The following CPT1A variants were observed in gnomAD, a reference collection of about 807,000 sequenced individuals.
CPT1A encodes the protein carnitine palmitoyltransferase 1A.
A neutral mutation model predicts 100.8 loss-of-function variants in CPT1A; 64 were observed. The ratio of observed to expected loss-of-function variants is 0.63; its 90% confidence interval spans 0.52 to 0.78. The LOEUF is 0.78. Among genes scored for constraint, CPT1A ranks in the 30% least tolerant of loss-of-function variants. The probability of loss-of-function intolerance (pLI) is 0.00; values close to 1 mark genes in which losing one functional copy is unlikely to be tolerated. For synonymous variants in CPT1A, 363 were observed against 396.0 expected, an observed-to-expected ratio of 0.92 and a Z score of 0.99; for missense variants, 802 against 1,034.1, an observed-to-expected ratio of 0.78 and a Z score of 3.08.
chr11:68,765,768 G>C (rs1203186873), intron 14 of CPT1A, among the ~76,000 whole-genome samples: 1 of 152,128 alleles, frequency 6.6e-6, no homozygotes, highest in East Asian at 1.9e-4. Flanking sequence ...AAACATTCTA[G>C]CAGGAGACAG....
intron 1 of CPT1A, among the ~76,000 whole-genome samples, chr11:68,830,409 T>C (rs1856848276): frequency 6.6e-6 from 1 of 152,140 alleles, no homozygotes; most frequent in Non-Finnish European, 1.5e-5. Flanking sequence ...AACTCCCAGG[T>C]GGAGCATGGG....
rs548490426 is a variant in CPT1A at position 68,759,256 on chromosome 11, G to A, written c.2235+313C>T. Among the ~76,000 whole-genome samples the A allele has an allele frequency of 2.6e-5, 4 of 151,794 alleles. No individual in the cohort carries two copies. In the South Asian group the frequency reaches 8.3e-4, roughly 32 times the overall value. On this transcript the variant is annotated intron_variant, in intron 18 of 18. Coordinates refer to ENST00000265641, the MANE Select transcript of CPT1A (RefSeq NM_001876.4). ...TAAAAATACAAAAAAATTAGCCGGG[G>A]TAGTGGCGGGTGCCTGTAGTCCCAG...
intron 6 of CPT1A, 131 bp downstream of exon 6, chr11:68,799,087 T>C: frequency 3.8e-6 from 3 of 779,704 alleles, no homozygotes; most frequent in Admixed American, 2.0e-5. Context: ...GGTAAAACTA[T>C]AGCTGGAACT....
chr11:68,759,756 G>T, intron 17 of CPT1A, 95 bp from the exon 18 acceptor site: 2 of 923,704 alleles, frequency 2.2e-6, no homozygotes, highest in Non-Finnish European at 1.8e-6. Context: ...GGCGGGGCTC[G>T]GTGGCTTCTC....
intron 12 of CPT1A, among the ~76,000 whole-genome samples, chr11:68,777,103 C>T (rs1329689405): frequency 3.9e-5 from 6 of 152,186 alleles, no homozygotes; most frequent in South Asian, 4.1e-4. Context: ...GGTCAGAGCT[C>T]CAGAAGAGCC....
chr11:68,784,456 C>T (rs539079839), intron 10 of CPT1A, among the ~76,000 whole-genome samples: 14 of 152,298 alleles, frequency 9.2e-5, no homozygotes, highest in African/African-American at 3.4e-4. Flanking sequence ...ACTGCTTGAA[C>T]CTGGGAGGCG....
intron 10 of CPT1A, among the ~76,000 whole-genome samples, chr11:68,782,457 C>T (rs535992875): frequency 7.9e-5 from 12 of 152,308 alleles, no homozygotes; most frequent in Non-Finnish European, 1.0e-4. Flanking sequence ...AACTGAAGCA[C>T]GGAAAGATTA....
intron 1 of CPT1A, among the ~76,000 whole-genome samples, chr11:68,819,103 G>C (rs1453928164): frequency 6.6e-6 from 1 of 152,006 alleles, no homozygotes. Flanking sequence ...TTTTGAGACG[G>C]AGTCTCACTC....
At chr11:68,792,164 C>T (rs760301368) in intron 9 of CPT1A, among the ~76,000 whole-genome samples, 8 of 151,840 alleles carry the variant, frequency 5.3e-5, no homozygotes, top group Non-Finnish European at 8.8e-5. Context: ...GGTGAAACTC[C>T]GTCTCTACTA....
chr11:68,842,255 ACT>A (rs1180899641), upstream of CPT1A, among the ~76,000 whole-genome samples: 1 of 151,724 alleles, frequency 6.6e-6, no homozygotes, highest in Admixed American at 6.6e-5. Context: ...TTCACCCCTG[ACT>A]CTTTCATGCA....
intron 1 of CPT1A, among the ~76,000 whole-genome samples, chr11:68,826,501 G>A (rs543627201): frequency 9.2e-5 from 14 of 151,396 alleles, no homozygotes; most frequent in Non-Finnish European, 1.3e-4. Context: ...TTGGGAGGCC[G>A]AGGGGGGCAG....
intron 5 of CPT1A, among the ~76,000 whole-genome samples, chr11:68,800,030 A>G (rs1489165970): frequency 6.6e-6 from 1 of 152,168 alleles, no homozygotes; most frequent in East Asian, 1.9e-4. Flanking sequence ...TTGGCCCTTA[A>G]TAAAAGATCT....
Position 68,757,426 on chromosome 11 carries a change from A to G in CPT1A, c.*218T>C. On this transcript the variant is annotated 3_prime_UTR_variant, in exon 19 of 19. Coordinates refer to ENST00000265641, the MANE Select transcript of CPT1A (RefSeq NM_001876.4). Reference sequence around the variant, plus strand: ...GAGACATCAGGGGAGACTTTATCAGATGTCCCCCAAGGGAGGGCAAGTCTG... The same window carrying G: ...GAGACATCAGGGGAGACTTTATCAGGTGTCCCCCAAGGGAGGGCAAGTCTG... The G allele has an allele frequency of 1.4e-6, 2 of 1,423,776 alleles. No homozygotes were observed. Among genetic ancestry groups the G allele is most frequent in the Non-Finnish European group, 9.1e-7 (1 of 1,094,208 alleles). The allele number at this position is 1,423,776 out of a possible 1,614,324, so 88.2% of individuals were successfully genotyped here.
intron 14 of CPT1A, 150 bp downstream of exon 14, chr11:68,773,115 C>T (rs1855037273): frequency 6.8e-7 from 1 of 1,461,648 alleles, no homozygotes; most frequent in African/African-American, 1.4e-5. Flanking sequence ...ACACCCAACG[C>T]CACCCGGCCC....
intron 15 of CPT1A, 118 bp from the exon 16 acceptor site, chr11:68,761,805 T>C (rs1854627659): frequency 8.2e-7 from 1 of 1,218,498 alleles, no homozygotes; most frequent in East Asian, 2.4e-5. Context: ...GAGACGGGGT[T>C]TCAACATGTT....
chr11:68,835,467 T>G (rs1325837447), intron 1 of CPT1A, among the ~76,000 whole-genome samples: 1 of 152,244 alleles, frequency 6.6e-6, no homozygotes, highest in Non-Finnish European at 1.5e-5. Context: ...ACTGAACTTC[T>G]AATGTGGGGA....
chr11:68,812,398 A>G, intron 3 of CPT1A, 39 bp downstream of exon 3: 1 of 1,613,364 alleles, frequency 6.2e-7, no homozygotes, highest in Non-Finnish European at 8.5e-7. Flanking sequence ...TAAAATCGGT[A>G]ACTTCCCAGA....
chr11:68,799,465 T>C, intron 5 of CPT1A, 110 bp from the exon 6 acceptor site: 1 of 1,258,050 alleles, frequency 7.9e-7, no homozygotes. Flanking sequence ...GAAAAGGTTT[T>C]AGGCTGGGCA....
At chr11:68,840,983 G>T (rs1201701201) in intron 1 of CPT1A, among the ~76,000 whole-genome samples, 1 of 152,166 alleles carries the variant, frequency 6.6e-6, no homozygotes, top group Non-Finnish European at 1.5e-5. Context: ...GCTGCGGGGC[G>T]CTCCCAAGCA....
Sources: gnomAD v4.1 joint callset for allele counts (sites outside exome capture counted in the v4.1 genomes callset) on GRCh38, gnomAD v4.1.1 for gene constraint, MANE v1.5 for transcripts, NCBI Gene and HGNC (gene_info 2026-07-23, HGNC 2026-07-21) for gene names.